The following CASTOR1 variants were observed in gnomAD, a reference collection of about 807,000 sequenced individuals.
The protein encoded by CASTOR1 is GATS protein like 3.
In CASTOR1, 18 loss-of-function variants were observed where a neutral mutation model predicts 33.7. The ratio of observed to expected loss-of-function variants is 0.53; its 90% CI spans 0.37 to 0.79. The LOEUF (loss-of-function observed/expected upper bound fraction) is 0.79. Ranked by LOEUF, CASTOR1 falls within the 30% of genes least tolerant of loss-of-function variation. CASTOR1 has a pLI of 0.00. For synonymous variants in CASTOR1, 175 were observed against 190.6 expected (o/e 0.92, Z 0.67); for missense variants, 362 against 446.3 (o/e 0.81, Z 1.70).
intron 1 of CASTOR1, 148 bp downstream of exon 1, chr22:30,289,237 C>T (rs1202614918): frequency 1.1e-5 from 7 of 650,594 alleles, no homozygotes; most frequent in Non-Finnish European, 1.6e-5. Context: ...TCCCCCAGGC[C>T]GGATGGCGGC....
In CASTOR1 at chr22:30,288,724, C is replaced by T. The variant is rs1186390910; in HGVS notation, c.166G>A (p.Asp56Asn). The T allele has an allele frequency of 3.1e-6, 5 of 1,612,642 alleles. No individual in the cohort carries two copies. Among genetic ancestry groups the T allele is most frequent in the Non-Finnish European group, 4.2e-6 (5 of 1,179,510 alleles). The change falls in exon 2 of 9, where the codon GAC (aspartate) becomes AAC (asparagine). Residue 56 changes from aspartate (D) to asparagine (N), a missense_variant. Transcript: ENST00000407689. ...CCCCCACCTTTAAAGCCCTCCTCGT[C>T]CACCATAAGCGTGTAATCCTCAGGG... is the stretch of plus-strand genomic sequence containing the variant. ...ETPEDYTLMVDEEGFKELPPS... is the reference protein window; with the variant it reads ...ETPEDYTLMVNEEGFKELPPS...
rs775990870 is a variant in CASTOR1 at position 30,285,854 on chromosome 22, G to A, written c.899C>T (p.Thr300Ile). 1.4e-5 allele frequency: 10 copies of A among 728,514 alleles called. No individual in the cohort carries two copies. Among genetic ancestry groups the A allele is most frequent in the Non-Finnish European group, 1.8e-5 (10 of 552,376 alleles). The allele number at this position is 728,514 out of a possible 1,614,324, so 45.1% of individuals were successfully genotyped here. The change falls in exon 8 of 9, where the codon ACC becomes ATC. Residue 300 changes from threonine (T) to isoleucine (I), a missense_variant. Thr to Ile is a moderately conservative substitution (Grantham distance 89, BLOSUM62 -1). Transcript: ENST00000407689. ...CACCAGGGCGTGGTCGAAGTTGAAG[G>A]TGCTGATGTAGTAGGCAGAGATGTC... ...AADISAYYIS[T>I]FNFDHALVPE... is the part of the protein sequence containing the mutation.
intron 1 of CASTOR1, 73 bp downstream of exon 1, chr22:30,289,312 A>C (rs1189144308): frequency 8.9e-7 from 1 of 1,127,276 alleles, no homozygotes; most frequent in African/African-American, 1.6e-5. Context: ...GGCGATCCTA[A>C]TCCTCCGACC....
chr22:30,286,575 CA>C, intron 5 of CASTOR1, 199 bp from the exon 6 acceptor site: 1 of 665,810 alleles, frequency 1.5e-6, no homozygotes, highest in Non-Finnish European at 2.6e-6. Flanking sequence ...CAGCCTGTGC[CA>C]AAAACAAAGG....
In CASTOR1 at chr22:30,285,537, G is replaced by A; in HGVS notation, c.*83C>T. On this transcript the variant is annotated 3_prime_UTR_variant, in exon 9 of 9. Coordinates refer to ENST00000407689, the MANE Select transcript of CASTOR1 (RefSeq NM_001037666.3). ...CCAGCAGAACAGGGGGCTCGTTCCA[G>A]AGCTTAAGGAAATAGCTTAGAGAAG... 1 of 1,142,730 alleles carries A rather than the reference G, an allele frequency of 8.8e-7. No individual in the cohort carries two copies. The highest frequency in any genetic ancestry group is 1.3e-6 in the Non-Finnish European group (1 of 792,866). 70.8% of individuals were successfully genotyped at this position (1,142,730 alleles called of 1,614,324 possible). A position where few individuals can be genotyped will look rare whatever the true frequency, so the allele number is the denominator to read the frequency against.
intron 2 of CASTOR1, 190 bp from the exon 3 acceptor site, chr22:30,287,750 A>G: frequency 1.4e-6 from 1 of 709,044 alleles, no homozygotes; most frequent in East Asian, 2.7e-5. Context: ...GTGGCATTGA[A>G]ACTTCCCACT....
At chr22:30,287,889 C>G (rs1216738254) in intron 2 of CASTOR1, 7 of 561,994 alleles carry the variant, frequency 1.2e-5, no homozygotes, top group East Asian at 8.4e-5. Flanking sequence ...CAATATCTAC[C>G]TCACTACGGT....
rs1929851283 is a variant in CASTOR1, at chr22:30,288,734, C to T, written c.156G>A (p.Thr52=). The T allele has an allele frequency of 1.9e-6, 3 of 1,612,842 alleles. No homozygotes were observed. The highest frequency in any genetic ancestry group is 2.5e-6 in the Non-Finnish European group (3 of 1,179,568). The change falls in exon 2 of 9, where the codon ACG becomes ACA. Residue 52 remains threonine, a synonymous_variant. Coordinates refer to ENST00000407689, the MANE Select transcript of CASTOR1 (RefSeq NM_001037666.3). ...TAAAGCCCTCCTCGTCCACCATAAG[C>T]GTGTAATCCTCAGGGGTCTCCGTCA... ...FSLTETPEDY[T]LMVDEEGFKE...
chr22:30,288,022 G>C (rs1197213983), intron 2 of CASTOR1: 1 of 391,680 alleles, frequency 2.6e-6, no homozygotes, highest in African/African-American at 2.1e-5. Context: ...TAAAAACAGG[G>C]AAACTAAGGC....
chr22:30,286,961 AG>A lies in CASTOR1; in HGVS notation c.506-14del. The A allele has an allele frequency of 6.2e-7, 1 of 1,605,542 alleles. No homozygotes were observed. The highest frequency in any genetic ancestry group is 8.5e-7 in the Non-Finnish European group (1 of 1,174,576). On this transcript the variant is annotated splice_polypyrimidine_tract_variant and intron_variant, in intron 4 of 8. Transcript: ENST00000407689. ...GTGGGGCTGGGCCCTGCTGGAGGAC[AG>A]CAGCAGGTGAAAAGGTGTCCGTGGG...
intron 1 of CASTOR1, 51 bp downstream of exon 1, chr22:30,289,334 C>T (rs1929874312): frequency 7.7e-7 from 1 of 1,305,772 alleles, no homozygotes; most frequent in Non-Finnish European, 1.1e-6. Context: ...TGGCCCGGAG[C>T]GAGAGCAGAG....
chr22:30,289,231 C>G (rs1437506893), intron 1 of CASTOR1, 154 bp downstream of exon 1: 2 of 639,016 alleles, frequency 3.1e-6, no homozygotes, highest in African/African-American at 3.8e-5. Context: ...CGGCGGTCCC[C>G]CAGGCCGGAT....
Position 30,285,399 on chromosome 22 carries a change from C to T in CASTOR1, c.*221G>A, listed in dbSNP as rs1005201958. ...CGAGCACCGTGTTCCCCTGCATGGG[C>T]AGACACGCAGTCAGGCTAGCACCTG... On this transcript the variant is annotated 3_prime_UTR_variant, in exon 9 of 9. Coordinates refer to ENST00000407689, the MANE Select transcript of CASTOR1 (RefSeq NM_001037666.3). The T allele has an allele frequency of 2.0e-6, 1 of 498,632 alleles. No homozygotes were observed. The highest frequency in any genetic ancestry group is 3.6e-5 in the East Asian group (1 of 27,496). The allele number at this position is 498,632 out of a possible 1,614,324, so 30.9% of individuals were successfully genotyped here.
At chr22:30,289,284 C>T (rs1458804332) in intron 1 of CASTOR1, 101 bp downstream of exon 1, 1 of 903,378 alleles carries the variant, frequency 1.1e-6, no homozygotes, top group Non-Finnish European at 1.7e-6. Context: ...CTCCCGCCCG[C>T]CTGCCTGCCT....
intron 6 of CASTOR1, 82 bp downstream of exon 6, chr22:30,286,181 A>C: frequency 7.0e-7 from 1 of 1,434,772 alleles, no homozygotes; most frequent in Non-Finnish European, 9.6e-7. Flanking sequence ...ACACCTGCTG[A>C]CCTCAGAGTC....
At chr22:30,285,718 C>A in intron 8 of CASTOR1, 30 bp from the exon 9 acceptor site, 1 of 1,551,624 alleles carries the variant, frequency 6.4e-7, no homozygotes, top group South Asian at 1.2e-5. Context: ...AGGGAAGGGT[C>A]AAGGCGGAAG....
At chr22:30,289,323 C>G in intron 1 of CASTOR1, 62 bp downstream of exon 1, 1 of 1,231,282 alleles carries the variant, frequency 8.1e-7, no homozygotes, top group Non-Finnish European at 1.2e-6. Context: ...TCCTCCGACC[C>G]TGGCCCGGAG....
chr22:30,288,861 C>T (rs1929856699), intron 1 of CASTOR1, 85 bp from the exon 2 acceptor site: 6 of 1,154,338 alleles, frequency 5.2e-6, no homozygotes, highest in African/African-American at 1.6e-5. Flanking sequence ...CCCGAGACAC[C>T]CCCGCGACCC....
chr22:30,289,375 G>A lies in CASTOR1; in HGVS notation c.113+10C>T, dbSNP rs5763932. 353,607 of 1,588,148 alleles carry A rather than the reference G, an allele frequency of 0.22. 41,490 individuals carry two copies. The highest frequency in any genetic ancestry group is 0.28 in the Middle Eastern group (1,670 of 6,014). ...AGCCCCTATCTGCGCTCCCGAACCCGGGCGCGCACCGGCTGCGGCGGGGCA... is the reference window on the plus strand; with the variant it reads ...AGCCCCTATCTGCGCTCCCGAACCCAGGCGCGCACCGGCTGCGGCGGGGCA... On this transcript the variant is annotated intron_variant, in intron 1 of 8. Transcript: ENST00000407689.
Sources: gnomAD v4.1 joint callset for allele counts on GRCh38, gnomAD v4.1.1 for gene constraint, MANE v1.5 for transcripts, NCBI Gene and HGNC (gene_info 2026-07-23, HGNC 2026-07-21) for gene names.